The following ZNF449 variants were observed in gnomAD, a reference collection of about 807,000 sequenced individuals.
ZNF449 encodes zinc finger and SCAN domain-containing protein 19.
ZNF449 carries 4 observed loss-of-function variants against 32.6 expected under a neutral mutation model. The ratio of observed to expected loss-of-function variants is 0.12; its 90% CI spans 0.06 to 0.28. The LOEUF is 0.28. Among genes scored for constraint, ZNF449 ranks in the 10% least tolerant of loss-of-function variants. The probability of loss-of-function intolerance (pLI) is 1.00; values close to 1 mark genes in which losing one functional copy is unlikely to be tolerated. For missense variants in ZNF449, 275 were observed against 383.2 expected (o/e 0.72, Z 2.36); for synonymous variants, 123 against 132.2 (o/e 0.93, Z 0.48).
At chrX:135,348,628 G>C (rs1286259309) in intron 2 of ZNF449, 2 of 564,320 alleles carry the variant, frequency 3.5e-6, no homozygotes, top group Non-Finnish European at 4.8e-6. Flanking sequence ...TTAGCTTCAG[G>C]GCTCCTGAAC....
chrX:135,356,891 T>C (rs1241996980), intron 3 of ZNF449, among the ~76,000 whole-genome samples: 6 of 111,428 alleles, frequency 5.4e-5, no homozygotes, highest in African/African-American at 2.0e-4. Flanking sequence ...TCCATAAGAA[T>C]AGACATGTAG....
Position 135,362,759 on chromosome X carries a change from GAAAT to G in ZNF449, c.*1685_*1688del, listed in dbSNP as rs2084954374. On this transcript the variant is annotated 3_prime_UTR_variant, in exon 5 of 5. Coordinates refer to ENST00000339249, the MANE Select transcript of ZNF449 (RefSeq NM_152695.6). Reference sequence around the variant, plus strand: ...TCTAGGCTTAGTGGAAGCTAGTAAAGAAATATAATTCATGGATCAGGCTCATAAA... The same window carrying G: ...TCTAGGCTTAGTGGAAGCTAGTAAAGATAATTCATGGATCAGGCTCATAAA... 1 of 111,980 alleles carries G rather than the reference GAAAT, an allele frequency of 8.9e-6. No individual in the cohort carries two copies. The highest frequency in any genetic ancestry group is 3.7e-4 in the South Asian group (1 of 2,721). 9.2% of individuals were successfully genotyped at this position (111,980 alleles called of 1,213,427 possible).
At chrX:135,351,466 T>G (rs1556450343) in intron 3 of ZNF449, among the ~76,000 whole-genome samples, 9 of 109,935 alleles carry the variant, frequency 8.2e-5, no homozygotes. Flanking sequence ...TCAGATTCGG[T>G]GGGTCAAGTT....
chrX:135,361,135 C>A lies in ZNF449; in HGVS notation c.*59C>A. ...GACACTAACTCAAAAAAAATCTTAA[C>A]CTGCAGCAGGCTGTTTGTCTTGGAA... On this transcript the variant is annotated 3_prime_UTR_variant, in exon 5 of 5. Transcript: ENST00000339249. The A allele has an allele frequency of 9.9e-7, 1 of 1,012,546 alleles. No homozygotes were observed. The highest frequency in any genetic ancestry group is 1.3e-6 in the Non-Finnish European group (1 of 759,227). The allele number at this position is 1,012,546 out of a possible 1,213,427, so 83.4% of individuals were successfully genotyped here.
intron 3 of ZNF449, among the ~76,000 whole-genome samples, chrX:135,352,483 C>T (rs2084893275): frequency 8.9e-6 from 1 of 111,883 alleles, no homozygotes; most frequent in African/African-American, 3.2e-5. Context: ...TAAAATATAT[C>T]ATGCTTATCT....
chrX:135,351,437 GACAA>G (rs1230366410), intron 3 of ZNF449, among the ~76,000 whole-genome samples: 1 of 110,860 alleles, frequency 9.0e-6, no homozygotes, highest in Non-Finnish European at 1.9e-5. Flanking sequence ...TCACTGACAT[GACAA>G]ACAAAAGAGG....
At chrX:135,357,539 T>G (rs2084924496) in intron 3 of ZNF449, among the ~76,000 whole-genome samples, 1 of 111,824 alleles carries the variant, frequency 8.9e-6, no homozygotes, top group Admixed American at 9.5e-5. Flanking sequence ...GTATTATTGA[T>G]CTTCTGCCTA....
At chrX:135,358,272 A>G (rs1478762743) in intron 3 of ZNF449, among the ~76,000 whole-genome samples, 4 of 111,467 alleles carry the variant, frequency 3.6e-5, no homozygotes, top group Admixed American at 9.5e-5. Context: ...TGATATTACT[A>G]TTATACATGT....
intron 3 of ZNF449, among the ~76,000 whole-genome samples, chrX:135,350,095 C>A (rs1556449938): frequency 1.8e-5 from 2 of 109,721 alleles, no homozygotes; most frequent in Non-Finnish European, 1.9e-5. Context: ...TAACCTCCAC[C>A]TCCCAGGTTC....
intron 3 of ZNF449, among the ~76,000 whole-genome samples, chrX:135,351,952 C>T (rs782661925): frequency 2.7e-5 from 3 of 111,785 alleles, no homozygotes; most frequent in Non-Finnish European, 3.8e-5. Flanking sequence ...AATTGGAGGA[C>T]AGGAAATTAT....
chrX:135,350,780 C>G (rs1052531767), intron 3 of ZNF449, among the ~76,000 whole-genome samples: 8 of 111,468 alleles, frequency 7.2e-5, no homozygotes, highest in African/African-American at 2.6e-4. Flanking sequence ...ATAGGATGCC[C>G]AGGAGCATGG....
At chrX:135,346,988 T>C in intron 1 of ZNF449, 31 bp from the exon 2 acceptor site, 1 of 601,075 alleles carries the variant, frequency 1.7e-6, no homozygotes, top group Non-Finnish European at 2.5e-6. Flanking sequence ...ACCACTCCTG[T>C]TTCTCCTTTC....
At position 135,362,756 on chromosome X, in the gene ZNF449, A is replaced by G. The variant is rs2148507678; in HGVS notation, c.*1680A>G. 1 of 112,289 alleles carries G rather than the reference A, an allele frequency of 8.9e-6. No individual in the cohort carries two copies. Among genetic ancestry groups the G allele is most frequent in the South Asian group, 3.7e-4 (1 of 2,720 alleles). 9.3% of individuals were successfully genotyped at this position (112,289 alleles called of 1,213,427 possible). ...TGTTCTAGGCTTAGTGGAAGCTAGT[A>G]AAGAAATATAATTCATGGATCAGGC... On this transcript the variant is annotated 3_prime_UTR_variant, in exon 5 of 5. Coordinates refer to ENST00000339249, the MANE Select transcript of ZNF449 (RefSeq NM_152695.6).
intron 2 of ZNF449, 153 bp from the exon 3 acceptor site, chrX:135,348,957 A>T: frequency 1.1e-6 from 1 of 897,799 alleles, no homozygotes; most frequent in Non-Finnish European, 1.6e-6. Flanking sequence ...GCACTGGATT[A>T]AGTAACACGT....
At position 135,359,861 on chromosome X, in the gene ZNF449, C is replaced by A. The variant is rs782607510; in HGVS notation, c.560-31C>A. On this transcript the variant is annotated intron_variant, in intron 3 of 4. Coordinates refer to ENST00000339249, the MANE Select transcript of ZNF449 (RefSeq NM_152695.6). ...TTGGAAAAACCTTTGATGAGCCAAA[C>A]TGTAATGCTTCCCATCTTTCTTCTG... The A allele has an allele frequency of 1.8e-5, 19 of 1,058,027 alleles. No individual in the cohort carries two copies. In the South Asian group the frequency reaches 3.5e-4, roughly 20 times the overall value. The allele number at this position is 1,058,027 out of a possible 1,213,427, so 87.2% of individuals were successfully genotyped here. A position where few individuals can be genotyped will look rare whatever the true frequency, so the allele number is the denominator to read the frequency against.
chrX:135,347,061 C>A lies in ZNF449; in HGVS notation c.-58C>A. ...CCACCCCAACGATTTCAGAGAGAAA[C>A]AAGTCGGAATCTGAGAAGTGAGGCT... On this transcript the variant is annotated 5_prime_UTR_variant, in exon 2 of 5. Transcript: ENST00000339249. The A allele has an allele frequency of 3.6e-6, 4 of 1,107,054 alleles. No homozygotes were observed. Among genetic ancestry groups the A allele is most frequent in the Non-Finnish European group, 4.8e-6 (4 of 827,553 alleles). The allele number at this position is 1,107,054 out of a possible 1,213,427, so 91.2% of individuals were successfully genotyped here. A position where few individuals can be genotyped will look rare whatever the true frequency, so the allele number is the denominator to read the frequency against.
rs887843103 is a variant in ZNF449, at chrX:135,347,098, G to C, written c.-21G>C. 8.5e-7 allele frequency: 1 copy of C among 1,172,661 alleles called. No homozygotes were observed. On this transcript the variant is annotated 5_prime_UTR_variant, in exon 2 of 5. Transcript: ENST00000339249. Reference sequence around the variant, plus strand: ...TGAGAAGTGAGGCTCCAGATAAACTGTAAACTGCTGGAAGGGGGCGATGGC... The same window carrying C: ...TGAGAAGTGAGGCTCCAGATAAACTCTAAACTGCTGGAAGGGGGCGATGGC...
rs2084921475 is a variant in ZNF449, at chrX:135,356,982, G to T, written c.560-2910G>T. ...AGGAAATCTGCCTGTAAGTGTATTTGTGTAGTTCAAACCCATGTTGTTCAA... is the reference window on the plus strand; with the variant it reads ...AGGAAATCTGCCTGTAAGTGTATTTTTGTAGTTCAAACCCATGTTGTTCAA... On this transcript the variant is annotated intron_variant, in intron 3 of 4. Transcript: ENST00000339249. 2.7e-5 allele frequency among the ~76,000 whole-genome samples: 3 copies of T among 111,010 alleles called. No individual in the cohort carries two copies. In the South Asian group the frequency reaches 1.1e-3, roughly 42 times the overall value.
chrX:135,349,150 T>C lies in ZNF449; in HGVS notation c.395T>C (p.Val132Ala), dbSNP rs782486663. ...HDMLLEELAPVGTAHIPPTMH... is the reference protein window; with the variant it reads ...HDMLLEELAPAGTAHIPPTMH... ...ATGCTCTTGGAAGAACTGGCACCAG[T>C]GGGAACGGCACACATACCACCAACC... Residue 132 changes from valine to alanine, a missense_variant, in exon 3 of 5, where the codon GTG (valine) becomes GCG (alanine). By Grantham distance (64) the Val-to-Ala change is moderately conservative. Coordinates refer to ENST00000339249, the MANE Select transcript of ZNF449 (RefSeq NM_152695.6). 1 of 1,211,348 alleles carries C rather than the reference T, an allele frequency of 8.3e-7. No homozygotes were observed. The highest frequency in any genetic ancestry group is 2.2e-5 in the Admixed American group (1 of 46,008).
Sources: allele counts gnomAD v4.1 joint callset (sites outside exome capture counted in the v4.1 genomes callset), GRCh38; gene constraint gnomAD v4.1.1; transcripts MANE v1.5; gene names NCBI Gene and HGNC (gene_info 2026-07-23, HGNC 2026-07-21).